MARCHF3: variants seen among roughly 807,000 people sequenced by gnomAD.
The protein encoded by MARCHF3 is membrane associated ring-CH-type finger 3.
MARCHF3 carries 13 observed loss-of-function variants against 24.2 expected under a neutral mutation model. That is an observed-to-expected ratio of 0.54 (90% confidence interval 0.35 to 0.85). The LOEUF is 0.85. MARCHF3 is among the 40% of genes least tolerant of loss of function. The pLI is 0.01. For missense variants in MARCHF3, 276 were observed against 325.0 expected, an observed-to-expected ratio of 0.85 and a Z score of 1.16; for synonymous variants, 144 against 137.3, an observed-to-expected ratio of 1.05 and a Z score of -0.34.
At chr5:126,991,291 C>T (rs948813279) in intron 1 of MARCHF3, among the ~76,000 whole-genome samples, 50 of 152,224 alleles carry the variant, frequency 3.3e-4, no homozygotes, top group Admixed American at 2.9e-3. Flanking sequence ...AGCAAACTAT[C>T]ACAAGGACAG....
At chr5:126,873,802 C>A (rs1444360276) in intron 4 of MARCHF3, among the ~76,000 whole-genome samples, 1 of 152,174 alleles carries the variant, frequency 6.6e-6, no homozygotes, top group East Asian at 1.9e-4. Context: ...AAGAAAGCAA[C>A]ATAAGAAGAT....
rs777487187 is a variant in MARCHF3 at position 126,878,238 on chromosome 5, C to T, written c.550G>A (p.Gly184Arg). 9 of 1,614,110 alleles carry T rather than the reference C, an allele frequency of 5.6e-6. No homozygotes were observed. Among genetic ancestry groups the T allele is most frequent in the African/African-American group, 2.7e-5 (2 of 74,936 alleles). ...AGTGCGACAGTGAGTGCAATCAGTC[C>T]GACGGCTTCCAGCCGACTACTAAAG... ...LHFSSRLEAV[G>R]LIALTVALFT... Residue 184 changes from glycine to arginine, a missense_variant, in exon 4 of 5, where the codon GGA becomes AGA. Physicochemically the swap from Gly to Arg is moderately radical, Grantham distance 125. Transcript: ENST00000308660.
intron 1 of MARCHF3, among the ~76,000 whole-genome samples, chr5:126,954,199 ATT>A (rs750262766): frequency 0.042 from 4,803 of 114,210 alleles, 130 homozygotes; most frequent in African/African-American, 0.12. Flanking sequence ...CGCCCGGCTA[ATT>A]TTTTTTTTTT....
intron 1 of MARCHF3, among the ~76,000 whole-genome samples, chr5:126,923,640 AAGTAATGAGTTT>A (rs1203792364): frequency 4.6e-5 from 7 of 152,300 alleles, no homozygotes; most frequent in Non-Finnish European, 8.8e-5. Flanking sequence ...TGATCCCCCA[AAGTAATGAGTTT>A]AGTAACAGGA....
rs182468604 is a variant in MARCHF3, at chr5:127,026,863, G to A, written c.-57+3487C>T. ...ATTACTCTGTAAAAGTTCCAGTGAC[G>A]ATCCAGTGGTCTGGAACAATCCAAG... is the stretch of plus-strand genomic sequence containing the variant. On this transcript the variant is annotated intron_variant, in intron 1 of 4. Transcript: ENST00000308660. Among the ~76,000 whole-genome samples, 544 of 152,316 alleles carry A rather than the reference G, an allele frequency of 3.6e-3. 1 individual carries two copies. Among genetic ancestry groups the A allele is most frequent in the Non-Finnish European group, 6.6e-3 (449 of 68,028 alleles).
At position 127,000,152 on chromosome 5, in the gene MARCHF3, G is replaced by T. The variant is rs73786289; in HGVS notation, c.-57+30198C>A. On this transcript the variant is annotated intron_variant, in intron 1 of 4. Transcript: ENST00000308660. ...CCTTCATATCATTTAACCAACCTTC[G>T]TTTGCTATCTCTAGCCCCCTCCCTT... Among the ~76,000 whole-genome samples, 3 of 151,746 alleles carry T rather than the reference G, an allele frequency of 2.0e-5. No individual in the cohort carries two copies. The South Asian group carries it at 6.3e-4, about 32-fold the overall frequency.
At chr5:126,909,427 C>G (rs537039792) in intron 3 of MARCHF3, among the ~76,000 whole-genome samples, 171 of 152,342 alleles carry the variant, frequency 1.1e-3, no homozygotes, top group African/African-American at 3.4e-3. Flanking sequence ...GCCTCGCTGT[C>G]GCCTTGCAGT....
chr5:126,948,836 C>A (rs564359687), intron 1 of MARCHF3, among the ~76,000 whole-genome samples: 1 of 152,146 alleles, frequency 6.6e-6, no homozygotes, highest in Non-Finnish European at 1.5e-5. Flanking sequence ...ACTTCAATAT[C>A]CACATCTGGC....
Position 126,870,786 on chromosome 5 carries a change from T to C in MARCHF3, c.609A>G (p.Ser203=). ...FTIYLFWTLV[S]FRYHCRLYNE... ...TGTACAATCGACAGTGGTACCTAAA[T>C]GACACCTGGGGATGGGAGAGGAAAA... Residue 203 remains serine (S), a synonymous_variant, in exon 5 of 5, where the codon TCA becomes TCG. Coordinates refer to ENST00000308660, the MANE Select transcript of MARCHF3 (RefSeq NM_178450.5). The C allele has an allele frequency of 6.2e-7, 1 of 1,614,082 alleles. No homozygotes were observed. The highest frequency in any genetic ancestry group is 8.5e-7 in the Non-Finnish European group (1 of 1,179,958).
At chr5:126,954,639 G>A (rs1750373384) in intron 1 of MARCHF3, among the ~76,000 whole-genome samples, 1 of 150,578 alleles carries the variant, frequency 6.6e-6, no homozygotes, top group African/African-American at 2.4e-5. Context: ...CTGAATTGCT[G>A]GGATTACAGG....
intron 3 of MARCHF3, among the ~76,000 whole-genome samples, chr5:126,881,687 A>G (rs1417677212): frequency 1.3e-5 from 2 of 152,110 alleles, no homozygotes; most frequent in African/African-American, 4.8e-5. Flanking sequence ...TGTAAGACAT[A>G]TTTACACAAA....
At chr5:127,023,770 AAATAAAT>A (rs1311549495) in intron 1 of MARCHF3, among the ~76,000 whole-genome samples, 17 of 148,812 alleles carry the variant, frequency 1.1e-4, no homozygotes, top group South Asian at 6.3e-4. Context: ...ATAAATAAAT[AAATAAAT>A]AAAAATAAAA....
At chr5:126,885,687 T>C (rs919212034) in intron 3 of MARCHF3, among the ~76,000 whole-genome samples, 1 of 152,200 alleles carries the variant, frequency 6.6e-6, no homozygotes, top group Non-Finnish European at 1.5e-5. Flanking sequence ...GTTAGACTAG[T>C]TAAACTGATT....
In MARCHF3 at chr5:127,028,412, A is replaced by G. The variant is rs193255885; in HGVS notation, c.-57+1938T>C. ...AAAGCCTTTTTATTATTTTAAAACT[A>G]TAAATTGTGAATCATTGCAACTAGT... On this transcript the variant is annotated intron_variant, in intron 1 of 4. Coordinates refer to ENST00000308660, the MANE Select transcript of MARCHF3 (RefSeq NM_178450.5). Among the ~76,000 whole-genome samples, 431 of 152,356 alleles carry G rather than the reference A, an allele frequency of 2.8e-3. 2 individuals carry two copies. The highest frequency in any genetic ancestry group is 0.027 in the South Asian group (130 of 4,830).
At chr5:126,927,900 C>G (rs527756222) in intron 1 of MARCHF3, among the ~76,000 whole-genome samples, 1 of 152,118 alleles carries the variant, frequency 6.6e-6, no homozygotes, top group Non-Finnish European at 1.5e-5. Context: ...TATATTGAGA[C>G]TGAATTAAAT....
intron 3 of MARCHF3, among the ~76,000 whole-genome samples, chr5:126,879,164 A>G (rs1430233302): frequency 6.6e-6 from 1 of 152,134 alleles, no homozygotes; most frequent in Non-Finnish European, 1.5e-5. Context: ...AATTAAGCAT[A>G]TTTGTTTGAC....
At chr5:126,933,441 A>G (rs904085023) in intron 1 of MARCHF3, among the ~76,000 whole-genome samples, 23 of 147,686 alleles carry the variant, frequency 1.6e-4, no homozygotes, top group Admixed American at 1.5e-3. Flanking sequence ...TCTCTTTGGT[A>G]TCTCTTTTTT....
chr5:126,996,506 A>T (rs1751952756), intron 1 of MARCHF3, among the ~76,000 whole-genome samples: 1 of 151,694 alleles, frequency 6.6e-6, no homozygotes, highest in Non-Finnish European at 1.5e-5. Context: ...GGGCAATCAT[A>T]GGGTTAGCAA....
chr5:127,024,565 C>T (rs1354235429), intron 1 of MARCHF3, among the ~76,000 whole-genome samples: 2 of 152,258 alleles, frequency 1.3e-5, no homozygotes, highest in East Asian at 1.9e-4. Flanking sequence ...AGAAGTACTA[C>T]CCATGATAGG....
Sources: allele counts gnomAD v4.1 joint callset (sites outside exome capture counted in the v4.1 genomes callset), GRCh38; gene constraint gnomAD v4.1.1; transcripts MANE v1.5; gene names NCBI Gene and HGNC (gene_info 2026-07-23, HGNC 2026-07-21).